SEMA6A: variants seen among roughly 807,000 people sequenced by gnomAD.
The protein encoded by SEMA6A is semaphorin-6A.
A neutral mutation model predicts 96.8 loss-of-function variants in SEMA6A; 25 were observed. The observed-to-expected ratio is 0.26, with a 90% CI of 0.19 to 0.36. The LOEUF (loss-of-function observed/expected upper bound fraction) is 0.36, where lower values mean the gene tolerates loss of function less well. SEMA6A is among the 10% of genes least tolerant of loss of function. The pLI, the probability that SEMA6A is intolerant of heterozygous loss-of-function variation, is 1.00. For synonymous variants in SEMA6A, 612 were observed against 518.0 expected, an observed-to-expected ratio of 1.18 and a Z score of -2.46; for missense variants, 1,363 against 1,323.1, an observed-to-expected ratio of 1.03 and a Z score of -0.47.
intron 1 of SEMA6A, among the ~76,000 whole-genome samples, chr5:116,539,996 C>G (rs1759889497): frequency 1.3e-5 from 2 of 152,190 alleles, no homozygotes; most frequent in South Asian, 4.1e-4. Context: ...TCTCATCTCA[C>G]TATTTTCTGT....
At chr5:116,515,714 C>A (rs767639597) in intron 1 of SEMA6A, among the ~76,000 whole-genome samples, 1 of 152,180 alleles carries the variant, frequency 6.6e-6, no homozygotes, top group Non-Finnish European at 1.5e-5. Flanking sequence ...AATAGAAATA[C>A]AATCTCCCAG....
In SEMA6A at chr5:116,477,255, A is replaced by G. The variant is rs540506289; in HGVS notation, c.1649+591T>C. ...TAAAGCCAGGGTAACAATTTTAAAC[A>G]CCAAAATCATAGGCATGGTGGACTG... On this transcript the variant is annotated intron_variant, in intron 15 of 18. Transcript: ENST00000343348. Among the ~76,000 whole-genome samples, 28 of 152,074 alleles carry G rather than the reference A, an allele frequency of 1.8e-4. No individual in the cohort carries two copies. The South Asian group carries it at 5.4e-3, about 29-fold the overall frequency.
At chr5:116,535,241 A>G (rs1465034858) in intron 1 of SEMA6A, among the ~76,000 whole-genome samples, 1 of 152,192 alleles carries the variant, frequency 6.6e-6, no homozygotes, top group East Asian at 1.9e-4. Context: ...GGGAGGCCAA[A>G]GTTAGACCAA....
chr5:116,501,596 A>G (rs6884574), intron 3 of SEMA6A, among the ~76,000 whole-genome samples: 31,813 of 152,176 alleles, frequency 0.21, 3,526 homozygotes, highest in Admixed American at 0.29. Flanking sequence ...AATTTAACAA[A>G]TAAGTATTAG....
At chr5:116,527,520 G>A (rs1333305523) in intron 1 of SEMA6A, among the ~76,000 whole-genome samples, 1 of 152,156 alleles carries the variant, frequency 6.6e-6, no homozygotes, top group Non-Finnish European at 1.5e-5. Context: ...GCCATGAAAA[G>A]TTGAAAGTAT....
At chr5:116,566,392 C>T (rs1197580941) in intron 1 of SEMA6A, among the ~76,000 whole-genome samples, 2 of 152,182 alleles carry the variant, frequency 1.3e-5, no homozygotes, top group Admixed American at 6.5e-5. Flanking sequence ...AGTCTAAAGG[C>T]TGCATGAGGA....
intron 1 of SEMA6A, among the ~76,000 whole-genome samples, chr5:116,515,112 T>G (rs1228539244): frequency 6.6e-6 from 1 of 152,144 alleles, no homozygotes; most frequent in Non-Finnish European, 1.5e-5. Flanking sequence ...ACTAAGACAT[T>G]TCAGGTAGAA....
At chr5:116,456,991 G>C (rs1755053986) in intron 18 of SEMA6A, among the ~76,000 whole-genome samples, 1 of 152,158 alleles carries the variant, frequency 6.6e-6, no homozygotes, top group South Asian at 2.1e-4. Context: ...AGGGACTTGA[G>C]TTCATGTGTC....
intron 18 of SEMA6A, among the ~76,000 whole-genome samples, chr5:116,454,945 G>T (rs1331367540): frequency 6.6e-6 from 1 of 152,010 alleles, no homozygotes; most frequent in Non-Finnish European, 1.5e-5. Context: ...TAGCTTCCTG[G>T]CCTGGCTGTT....
intron 2 of SEMA6A, among the ~76,000 whole-genome samples, chr5:116,503,326 A>G (rs1757982792): frequency 6.6e-6 from 1 of 152,120 alleles, no homozygotes; most frequent in Non-Finnish European, 1.5e-5. Flanking sequence ...TCTTATCAGG[A>G]GCCTTACTAT....
At chr5:116,565,208 T>C (rs1163667443) in intron 1 of SEMA6A, among the ~76,000 whole-genome samples, 2 of 152,176 alleles carry the variant, frequency 1.3e-5, no homozygotes, top group African/African-American at 2.4e-5. Flanking sequence ...GATGTGCACA[T>C]AACAAGGTCC....
At chr5:116,506,084 G>T (rs958600888) in intron 1 of SEMA6A, among the ~76,000 whole-genome samples, 1 of 152,176 alleles carries the variant, frequency 6.6e-6, no homozygotes, top group Non-Finnish European at 1.5e-5. Flanking sequence ...TTTAAGATTT[G>T]TGTGTAGAAA....
intron 1 of SEMA6A, among the ~76,000 whole-genome samples, chr5:116,561,303 A>C (rs546715078): frequency 6.6e-6 from 1 of 152,356 alleles, no homozygotes; most frequent in Middle Eastern, 3.4e-3. Flanking sequence ...CTGACTTCTA[A>C]TTCTAATGTA....
At chr5:116,505,452 C>T (rs1323701834) in intron 1 of SEMA6A, among the ~76,000 whole-genome samples, 6 of 81,402 alleles carry the variant, frequency 7.4e-5, no homozygotes, top group African/African-American at 1.3e-4. Flanking sequence ...CACAGACACA[C>T]GCACGCGCAC....
chr5:116,519,726 T>A (rs1244650616), intron 1 of SEMA6A, among the ~76,000 whole-genome samples: 1 of 151,738 alleles, frequency 6.6e-6, no homozygotes, highest in Non-Finnish European at 1.5e-5. Flanking sequence ...AATACAGACT[T>A]ACATAAAACA....
At chr5:116,525,886 C>T (rs538647552) in intron 1 of SEMA6A, among the ~76,000 whole-genome samples, 52 of 152,122 alleles carry the variant, frequency 3.4e-4, no homozygotes, top group Non-Finnish European at 7.1e-4. Context: ...TCTATATGAG[C>T]AAGGAACTGT....
At chr5:116,448,650 T>G (rs1488875955) in intron 18 of SEMA6A, among the ~76,000 whole-genome samples, 1 of 149,250 alleles carries the variant, frequency 6.7e-6, no homozygotes, top group Admixed American at 6.9e-5. Context: ...GTTTGCCTTT[T>G]AAGCAACTAG....
At chr5:116,490,432 C>T (rs1451008331) in intron 7 of SEMA6A, among the ~76,000 whole-genome samples, 2 of 152,152 alleles carry the variant, frequency 1.3e-5, no homozygotes, top group African/African-American at 4.8e-5. Context: ...TCCCCTGCAG[C>T]CCACATTCTC....
chr5:116,481,660 T>A (rs1189457589), intron 11 of SEMA6A, among the ~76,000 whole-genome samples: 6 of 152,122 alleles, frequency 3.9e-5, no homozygotes, highest in Admixed American at 3.9e-4. Context: ...ATGGGTTGTT[T>A]CTATGAAACT....
Sources: gnomAD v4.1 joint callset for allele counts (sites outside exome capture counted in the v4.1 genomes callset) on GRCh38, gnomAD v4.1.1 for gene constraint, MANE v1.5 for transcripts, NCBI Gene and HGNC (gene_info 2026-07-23, HGNC 2026-07-21) for gene names.